Variants in PPM1L observed in about 807,000 individuals in gnomAD.
The protein encoded by PPM1L is protein phosphatase 1L.
A neutral mutation model predicts 31.4 loss-of-function variants in PPM1L; 13 were observed. The observed-to-expected ratio is 0.41, with a 90% CI of 0.27 to 0.66. The LOEUF is 0.66. Among genes scored for constraint, PPM1L ranks in the 30% least tolerant of loss-of-function variants. The probability of loss-of-function intolerance (pLI) is 0.29; values close to 1 mark genes in which losing one functional copy is unlikely to be tolerated. For missense variants in PPM1L, 326 were observed against 453.7 expected (o/e 0.72, Z 2.56); for synonymous variants, 184 against 175.4 (o/e 1.05, Z -0.39).
rs1406204086 is a variant in PPM1L at position 160,961,750 on chromosome 3, T to C, written c.414T>C (p.Tyr138=). ...DGHGGETAAE[Y]VKSRLPEALK... ...TTTATCTGCAGACTGCAGCTGAATATGTAAAATCTCGACTCCCAGAGGCCC... is the reference window on the plus strand; with the variant it reads ...TTTATCTGCAGACTGCAGCTGAATACGTAAAATCTCGACTCCCAGAGGCCC... The change falls in exon 2 of 4, where the codon TAT becomes TAC. Residue 138 remains tyrosine, a synonymous_variant. Transcript: ENST00000498165. 2 of 1,583,148 alleles carry C rather than the reference T, an allele frequency of 1.3e-6. No homozygotes were observed. The highest frequency in any genetic ancestry group is 1.4e-5 in the African/African-American group (1 of 72,762).
At chr3:160,983,017 A>T (rs1048466498) in intron 2 of PPM1L, among the ~76,000 whole-genome samples, 3 of 152,216 alleles carry the variant, frequency 2.0e-5, no homozygotes, top group Admixed American at 2.0e-4. Flanking sequence ...GGTGAATTCA[A>T]TCTGAGATTA....
At chr3:160,844,054 A>G (rs1047004021) in intron 1 of PPM1L, among the ~76,000 whole-genome samples, 6 of 152,202 alleles carry the variant, frequency 3.9e-5, no homozygotes, top group African/African-American at 1.4e-4. Flanking sequence ...CAGAGAAGCC[A>G]AAAGACTGGA....
chr3:161,043,128 C>T (rs533817324), intron 2 of PPM1L, among the ~76,000 whole-genome samples: 27 of 151,260 alleles, frequency 1.8e-4, no homozygotes, highest in African/African-American at 5.3e-4. Context: ...CCTGAAGAAG[C>T]CAGTTCAACT....
chr3:161,068,724 G>A, intron 3 of PPM1L, 87 bp from the exon 4 acceptor site: 1 of 1,091,192 alleles, frequency 9.2e-7, no homozygotes, highest in East Asian at 2.5e-5. Flanking sequence ...ACATGAAGTA[G>A]GTCACCCTGT....
At chr3:160,896,573 G>C (rs1055229121) in intron 1 of PPM1L, among the ~76,000 whole-genome samples, 2 of 152,172 alleles carry the variant, frequency 1.3e-5, no homozygotes, top group African/African-American at 4.8e-5. Context: ...ATGGCAAAAA[G>C]AGTCTTCCTA....
At chr3:160,859,037 T>A (rs1322092383) in intron 1 of PPM1L, among the ~76,000 whole-genome samples, 2 of 152,176 alleles carry the variant, frequency 1.3e-5, no homozygotes, top group Admixed American at 1.3e-4. Flanking sequence ...AATGGATGGA[T>A]CAGAAGTCAA....
chr3:160,866,072 T>A (rs924993665), intron 1 of PPM1L, among the ~76,000 whole-genome samples: 3 of 152,182 alleles, frequency 2.0e-5, no homozygotes, highest in African/African-American at 7.2e-5. Flanking sequence ...GCCTCTTAGG[T>A]TATCCTGGAC....
chr3:160,888,688 C>A (rs1440787404), intron 1 of PPM1L, among the ~76,000 whole-genome samples: 1 of 152,168 alleles, frequency 6.6e-6, no homozygotes, highest in Non-Finnish European at 1.5e-5. Flanking sequence ...TAATAGACAT[C>A]TACAGAACTC....
chr3:160,861,864 G>C (rs1465880106), intron 1 of PPM1L, among the ~76,000 whole-genome samples: 1 of 152,102 alleles, frequency 6.6e-6, no homozygotes, highest in African/African-American at 2.4e-5. Flanking sequence ...CCACCTTCTA[G>C]CAATGGCATC....
intron 1 of PPM1L, among the ~76,000 whole-genome samples, chr3:160,899,282 GAAGTGTTA>G (rs1713458978): frequency 6.6e-6 from 1 of 152,140 alleles, no homozygotes; most frequent in Admixed American, 6.6e-5. Flanking sequence ...AGGTGATACA[GAAGTGTTA>G]AAGCAGGCCT....
At chr3:160,882,922 C>G (rs1712774915) in intron 1 of PPM1L, among the ~76,000 whole-genome samples, 1 of 152,136 alleles carries the variant, frequency 6.6e-6, no homozygotes, top group African/African-American at 2.4e-5. Context: ...TCAAATTTAT[C>G]CCATGTCCTC....
chr3:161,005,485 G>T (rs867228170), intron 2 of PPM1L, among the ~76,000 whole-genome samples: 1 of 152,116 alleles, frequency 6.6e-6, no homozygotes. Context: ...AGGTCAGAGT[G>T]GGAAGGTGTT....
chr3:160,800,403 C>G (rs1174372815), intron 1 of PPM1L, among the ~76,000 whole-genome samples: 1 of 151,904 alleles, frequency 6.6e-6, no homozygotes, highest in African/African-American at 2.4e-5. Context: ...ACTTTTTTCC[C>G]CAAATCCCCT....
intron 1 of PPM1L, among the ~76,000 whole-genome samples, chr3:160,835,051 T>A (rs1336494923): frequency 2.0e-5 from 3 of 147,310 alleles, no homozygotes; most frequent in Admixed American, 6.7e-5. Context: ...TTCTTCTTCT[T>A]CTTCTTCTTC....
At chr3:161,018,712 A>G (rs1227574947) in intron 2 of PPM1L, among the ~76,000 whole-genome samples, 1 of 152,242 alleles carries the variant, frequency 6.6e-6, no homozygotes, top group African/African-American at 2.4e-5. Flanking sequence ...TTCTAACAAT[A>G]TCACTTAATA....
At chr3:160,963,873 C>A (rs1716050179) in intron 2 of PPM1L, among the ~76,000 whole-genome samples, 1 of 151,970 alleles carries the variant, frequency 6.6e-6, no homozygotes, top group Admixed American at 6.6e-5. Flanking sequence ...TGTCAATAAG[C>A]CCTGTAGCAT....
chr3:160,781,676 T>A (rs751143690), intron 1 of PPM1L, among the ~76,000 whole-genome samples: 1 of 152,220 alleles, frequency 6.6e-6, no homozygotes, highest in Non-Finnish European at 1.5e-5. Flanking sequence ...CTAGAAGTAA[T>A]GGACTACAGT....
intron 1 of PPM1L, among the ~76,000 whole-genome samples, chr3:160,866,920 C>T (rs1712111725): frequency 6.6e-6 from 1 of 152,188 alleles, no homozygotes; most frequent in South Asian, 2.1e-4. Context: ...TCACAGCTCA[C>T]TCCAGCCTTG....
At chr3:160,837,770 G>C (rs777134667) in intron 1 of PPM1L, among the ~76,000 whole-genome samples, 6 of 152,202 alleles carry the variant, frequency 3.9e-5, no homozygotes, top group Non-Finnish European at 8.8e-5. Context: ...TTAAGAGTAA[G>C]AGAAGGGTAG....
Sources: gnomAD v4.1 joint callset for allele counts (sites outside exome capture counted in the v4.1 genomes callset) on GRCh38, gnomAD v4.1.1 for gene constraint, MANE v1.5 for transcripts, NCBI Gene and HGNC (gene_info 2026-07-23, HGNC 2026-07-21) for gene names.